The following SAMD4A variants were observed in gnomAD, a reference collection of about 807,000 sequenced individuals.
SAMD4A encodes the protein sterile alpha motif domain containing 4A.
Under a neutral mutation model 81.3 loss-of-function variants are expected in SAMD4A, and 33 were observed. That is an observed-to-expected ratio of 0.41 (90% CI 0.31 to 0.54). The LOEUF is 0.54. Among genes scored for constraint, SAMD4A ranks in the 20% least tolerant of loss-of-function variants. The pLI is 0.37. For synonymous variants in SAMD4A, 389 were observed against 382.1 expected, an observed-to-expected ratio of 1.02 and a Z score of -0.21; for missense variants, 854 against 951.1, an observed-to-expected ratio of 0.90 and a Z score of 1.34.
chr14:54,583,632 C>A (rs2033537331), intron 2 of SAMD4A, among the ~76,000 whole-genome samples: 1 of 152,160 alleles, frequency 6.6e-6, no homozygotes, highest in Non-Finnish European at 1.5e-5. Context: ...GCGGAATCAG[C>A]TCAGTTACAT....
intron 2 of SAMD4A, among the ~76,000 whole-genome samples, chr14:54,674,303 T>C (rs2035945059): frequency 6.6e-6 from 1 of 152,246 alleles, no homozygotes; most frequent in Non-Finnish European, 1.5e-5. Context: ...GTTTTGCTGC[T>C]CCTTTAAGTT....
At chr14:54,708,257 G>A (rs1053100388) in intron 3 of SAMD4A, among the ~76,000 whole-genome samples, 3 of 152,218 alleles carry the variant, frequency 2.0e-5, no homozygotes, top group Non-Finnish European at 4.4e-5. Flanking sequence ...GAGGATTGAA[G>A]GAGGACTCCA....
chr14:54,662,289 AG>A (rs1393009292), intron 2 of SAMD4A, among the ~76,000 whole-genome samples: 3 of 152,186 alleles, frequency 2.0e-5, no homozygotes, highest in Non-Finnish European at 4.4e-5. Context: ...GAAGGGATAG[AG>A]GTCCACAGGG....
intron 2 of SAMD4A, among the ~76,000 whole-genome samples, chr14:54,679,481 G>A (rs1378740936): frequency 6.6e-6 from 1 of 152,146 alleles, no homozygotes; most frequent in Admixed American, 6.5e-5. Flanking sequence ...CAGATGATGC[G>A]GGATGCCAGG....
At chr14:54,746,837 G>A (rs1422317493) in intron 4 of SAMD4A, among the ~76,000 whole-genome samples, 1 of 152,206 alleles carries the variant, frequency 6.6e-6, no homozygotes, top group Non-Finnish European at 1.5e-5. Context: ...AGTGACTTGG[G>A]ACTTTCAAGA....
intron 2 of SAMD4A, among the ~76,000 whole-genome samples, chr14:54,669,619 C>T (rs8007990): frequency 0.65 from 98,323 of 151,702 alleles, 32,174 homozygotes; most frequent in East Asian, 0.9. Context: ...CCACTACGCC[C>T]GGCTAGCACT....
chr14:54,606,513 C>T (rs1186549838), intron 2 of SAMD4A, among the ~76,000 whole-genome samples: 2 of 152,178 alleles, frequency 1.3e-5, no homozygotes, highest in African/African-American at 4.8e-5. Flanking sequence ...CTTGAGGCTG[C>T]AGGCCACTTG....
chr14:54,662,300 G>A (rs1007370792), intron 2 of SAMD4A, among the ~76,000 whole-genome samples: 1 of 152,188 alleles, frequency 6.6e-6, no homozygotes, highest in Non-Finnish European at 1.5e-5. Context: ...GGTCCACAGG[G>A]AGCTGAGATT....
chr14:54,763,465 C>T (rs1006067321), intron 7 of SAMD4A, among the ~76,000 whole-genome samples: 9 of 152,132 alleles, frequency 5.9e-5, no homozygotes, highest in East Asian at 1.9e-4. Flanking sequence ...ATGCATAAAC[C>T]GTAATGTATT....
chr14:54,675,969 C>T (rs2035984630), intron 2 of SAMD4A, among the ~76,000 whole-genome samples: 1 of 152,200 alleles, frequency 6.6e-6, no homozygotes, highest in Non-Finnish European at 1.5e-5. Flanking sequence ...AAAAAGAATC[C>T]TTCCACGGGA....
chr14:54,583,594 T>G (rs916266471), intron 2 of SAMD4A, among the ~76,000 whole-genome samples: 5 of 152,230 alleles, frequency 3.3e-5, no homozygotes, highest in African/African-American at 1.2e-4. Flanking sequence ...TTGAGCTGAT[T>G]TGAGCTTTCT....
In SAMD4A at chr14:54,789,235, G is replaced by A; in HGVS notation, c.*291G>A. 1 of 528,976 alleles carries A rather than the reference G, an allele frequency of 1.9e-6. No individual in the cohort carries two copies. The highest frequency in any genetic ancestry group is 2.2e-5 in the South Asian group (1 of 46,398). 32.8% of individuals were successfully genotyped at this position (528,976 alleles called of 1,614,324 possible). On this transcript the variant is annotated 3_prime_UTR_variant, in exon 13 of 13. Coordinates refer to ENST00000554335, the MANE Select transcript of SAMD4A (RefSeq NM_015589.6). ...TGGGAGGGGGGTGGAGGGAATGCAG[G>A]TAGCTCTCTGGATGGAACGGGGACA...
chr14:54,701,296 C>A (rs1181560857), intron 2 of SAMD4A, among the ~76,000 whole-genome samples: 1 of 152,164 alleles, frequency 6.6e-6, no homozygotes, highest in Non-Finnish European at 1.5e-5. Context: ...GCCACCACCC[C>A]CAGCCTGTGA....
At chr14:54,655,641 G>A (rs1238852232) in intron 2 of SAMD4A, among the ~76,000 whole-genome samples, 4 of 152,172 alleles carry the variant, frequency 2.6e-5, no homozygotes, top group African/African-American at 7.2e-5. Flanking sequence ...GGGAGGCTGA[G>A]GCAGGAGAAT....
chr14:54,701,721 G>GC (rs1248862136), intron 2 of SAMD4A, among the ~76,000 whole-genome samples: 1 of 152,240 alleles, frequency 6.6e-6, no homozygotes, highest in Non-Finnish European at 1.5e-5. Flanking sequence ...CTTAGTCTTA[G>GC]CCCCCTGTCT....
chr14:54,631,593 T>C (rs1297223110), intron 2 of SAMD4A, among the ~76,000 whole-genome samples: 1 of 152,192 alleles, frequency 6.6e-6, no homozygotes, highest in Non-Finnish European at 1.5e-5. Context: ...CTTAGAATGA[T>C]GTGGCCTCAA....
intron 6 of SAMD4A, 66 bp from the exon 7 acceptor site, chr14:54,760,095 C>T (rs1594906999): frequency 6.6e-7 from 1 of 1,507,658 alleles, no homozygotes; most frequent in East Asian, 2.4e-5. Flanking sequence ...CAGGGGAGGG[C>T]AGGTACGGGG....
intron 11 of SAMD4A, among the ~76,000 whole-genome samples, chr14:54,777,427 A>G (rs975509263): frequency 4.6e-5 from 7 of 152,236 alleles, no homozygotes; most frequent in Non-Finnish European, 1.0e-4. Context: ...TACAGGCAGA[A>G]GGAACCCAGG....
intron 2 of SAMD4A, among the ~76,000 whole-genome samples, chr14:54,615,294 G>T (rs938062493): frequency 1.3e-5 from 2 of 152,200 alleles, no homozygotes; most frequent in African/African-American, 4.8e-5. Context: ...TTTTGCAGTT[G>T]AGGAAATACC....
Sources: gnomAD v4.1 joint callset for allele counts (sites outside exome capture counted in the v4.1 genomes callset) on GRCh38, gnomAD v4.1.1 for gene constraint, MANE v1.5 for transcripts, NCBI Gene and HGNC (gene_info 2026-07-23, HGNC 2026-07-21) for gene names.